LRP5: variants seen among roughly 807,000 people sequenced by gnomAD.
The protein encoded by LRP5 is low-density lipoprotein receptor-related protein 5.
LRP5 carries 62 observed loss-of-function variants against 154.1 expected under a neutral mutation model. The observed-to-expected ratio is 0.40, with a 90% CI of 0.33 to 0.50. The LOEUF (loss-of-function observed/expected upper bound fraction) is 0.50, where lower values mean the gene tolerates loss of function less well. LRP5 is among the 20% of genes least tolerant of loss of function. The pLI is 0.55. For synonymous variants in LRP5, 966 were observed against 1,011.5 expected (o/e 0.96, Z 0.85); for missense variants, 1,915 against 2,336.7 (o/e 0.82, Z 3.72).
intron 13 of LRP5, among the ~76,000 whole-genome samples, chr11:68,419,068 C>T (rs962284456): frequency 3.9e-5 from 6 of 152,154 alleles, no homozygotes; most frequent in African/African-American, 7.2e-5. Flanking sequence ...GCAGCCTCCC[C>T]GCTCTGTGGA....
chr11:68,416,609 T>C (rs1291787530), intron 13 of LRP5, 82 bp downstream of exon 13: 2 of 1,325,072 alleles, frequency 1.5e-6, no homozygotes, highest in Non-Finnish European at 2.1e-6. Context: ...CCCCTGTCCT[T>C]AGCAGAGGGA....
At chr11:68,318,657 T>C (rs2098594905) in intron 1 of LRP5, among the ~76,000 whole-genome samples, 2 of 152,128 alleles carry the variant, frequency 1.3e-5, no homozygotes. Flanking sequence ...GTTTTTCTTG[T>C]GGTTAAACTG....
At chr11:68,335,930 C>T (rs113935119) in intron 1 of LRP5, among the ~76,000 whole-genome samples, 1 of 152,276 alleles carries the variant, frequency 6.6e-6, no homozygotes, top group African/African-American at 2.4e-5. Context: ...TGAGTGATTG[C>T]AGAAGTGCTG....
At chr11:68,404,104 G>C in intron 8 of LRP5, 1 of 429,846 alleles carries the variant, frequency 2.3e-6, no homozygotes, top group Non-Finnish European at 4.4e-6. Context: ...CCTGGGCTGG[G>C]CTGTGCTTGT....
the LRP5 span, among the ~76,000 whole-genome samples, chr11:68,303,692 A>C: frequency 6.6e-6 from 1 of 152,076 alleles, no homozygotes; most frequent in African/African-American, 2.4e-5. Context: ...GATGGGTTTC[A>C]CCATGTTGAC....
chr11:68,346,268 A>C lies in LRP5; in HGVS notation c.92-1579A>C, dbSNP rs531327089. ...TGCCACAAAGAACTGTAGACCTAAG[A>C]TGATGACAGCACGGGTGGGGCGGCG... On this transcript the variant is annotated intron_variant, in intron 1 of 22. Coordinates refer to ENST00000294304, the MANE Select transcript of LRP5 (RefSeq NM_002335.4). 5.3e-5 allele frequency among the ~76,000 whole-genome samples: 8 copies of C among 152,350 alleles called. No homozygotes were observed. The East Asian group carries it at 1.3e-3, about 26-fold the overall frequency.
intron 7 of LRP5, 48 bp downstream of exon 7, chr11:68,390,100 C>T (rs760076766): frequency 1.9e-6 from 3 of 1,603,068 alleles, no homozygotes; most frequent in South Asian, 2.2e-5. Flanking sequence ...GGCCCAGCCA[C>T]CCCCTGCAGC....
the LRP5 span, among the ~76,000 whole-genome samples, chr11:68,299,695 G>C: frequency 6.7e-6 from 1 of 149,220 alleles, no homozygotes; most frequent in East Asian, 2.0e-4. Flanking sequence ...CGATTCTCCT[G>C]CCTCAGCCTC....
At chr11:68,403,304 C>T (rs1279003192) in intron 7 of LRP5, among the ~76,000 whole-genome samples, 179 bp from the exon 8 acceptor site, 1 of 152,142 alleles carries the variant, frequency 6.6e-6, no homozygotes, top group East Asian at 1.9e-4. Context: ...TTATCCAGCA[C>T]CCCTGGGGAA....
chr11:68,338,116 A>G (rs2098606741), intron 1 of LRP5, among the ~76,000 whole-genome samples: 1 of 152,148 alleles, frequency 6.6e-6, no homozygotes, highest in Non-Finnish European at 1.5e-5. Context: ...TGTCTCTTCC[A>G]TCATGCTGGC....
At chr11:68,320,894 A>G (rs2098596373) in intron 1 of LRP5, among the ~76,000 whole-genome samples, 1 of 152,298 alleles carries the variant, frequency 6.6e-6, no homozygotes, top group South Asian at 2.1e-4. Context: ...GTACATTATC[A>G]TAAAGATATT....
intron 18 of LRP5, among the ~76,000 whole-genome samples, chr11:68,434,358 A>T (rs1209504887): frequency 9.1e-5 from 8 of 88,140 alleles, no homozygotes; most frequent in Admixed American, 6.0e-4. Flanking sequence ...TCTTTCATTC[A>T]TTCATTCATT....
intron 6 of LRP5, among the ~76,000 whole-genome samples, chr11:68,389,569 G>A (rs1156684247): frequency 3.4e-5 from 5 of 146,982 alleles, no homozygotes; most frequent in Non-Finnish European, 7.6e-5. Context: ...GACGTTTACC[G>A]ACGCCAGCAT....
intron 16 of LRP5, among the ~76,000 whole-genome samples, chr11:68,428,330 C>G (rs920120045): frequency 6.6e-6 from 1 of 152,038 alleles, no homozygotes; most frequent in Admixed American, 6.6e-5. Context: ...GTATTAGTGT[C>G]CCACGGCTGC....
chr11:68,348,408 C>G (rs1396423144), intron 2 of LRP5, among the ~76,000 whole-genome samples, 165 bp downstream of exon 2: 1 of 131,718 alleles, frequency 7.6e-6, no homozygotes, highest in African/African-American at 2.6e-5. Flanking sequence ...CTCGGTGTGA[C>G]TCTGAAAATG....
chr11:68,392,904 A>C (rs1175966032), intron 7 of LRP5, among the ~76,000 whole-genome samples: 1 of 152,000 alleles, frequency 6.6e-6, no homozygotes, highest in Non-Finnish European at 1.5e-5. Context: ...AGGCGGGACG[A>C]TCACTTGAGG....
upstream of LRP5, among the ~76,000 whole-genome samples, chr11:68,310,979 C>A (rs2098587435): frequency 2.6e-5 from 4 of 152,068 alleles, no homozygotes; most frequent in Admixed American, 2.0e-4. Context: ...CCTGAGATGG[C>A]AGCCCTCACG....
chr11:68,447,927 G>A lies in LRP5; in HGVS notation c.4587-882G>A, dbSNP rs2098682344. On this transcript the variant is annotated intron_variant, in intron 22 of 22. Transcript: ENST00000294304. This position sits in a 1 kb window ranked among gnomAD's most constrained non-coding sequence, Gnocchi z 4.3. The stretch of plus-strand genomic sequence containing the variant: ...TGCGAGTCAGGTTGCTTGAACTCAG[G>A]ATGGAAGTGTTCCGGGCCCATTGGT... Among the ~76,000 whole-genome samples, 1 of 152,158 alleles carries A rather than the reference G, an allele frequency of 6.6e-6. No homozygotes were observed. Among genetic ancestry groups the A allele is most frequent in the Admixed American group, 6.5e-5 (1 of 15,272 alleles).
Position 68,425,061 on chromosome 11 carries a change from G to T in LRP5, c.3237-41G>T, listed in dbSNP as rs781535187. 5.7e-6 allele frequency: 9 copies of T among 1,589,478 alleles called. 1 individual carries two copies. The South Asian group carries it at 9.9e-5, about 18-fold the overall frequency. The stretch of plus-strand genomic sequence containing the variant: ...TGGGCTCCGTGCTGTCCGAGGAGAC[G>T]CCATCCCCACACCCGTCCTTCACCC... On this transcript the variant is annotated intron_variant, in intron 14 of 22. Coordinates refer to ENST00000294304, the MANE Select transcript of LRP5 (RefSeq NM_002335.4).
Sources: gnomAD v4.1 joint callset for allele counts (sites outside exome capture counted in the v4.1 genomes callset) on GRCh38, gnomAD v4.1.1 for gene constraint, Gnocchi (gnomAD v3.1) non-coding constraint, MANE v1.5 for transcripts, NCBI Gene and HGNC (gene_info 2026-07-23, HGNC 2026-07-21) for gene names.